The following ARID4B variants were observed in gnomAD, a reference collection of about 807,000 sequenced individuals.
The protein encoded by ARID4B is AT-rich interaction domain 4B, also known as AT-rich interactive domain-containing protein 4B.
Under a neutral mutation model 147.5 loss-of-function variants are expected in ARID4B, and 26 were observed. The ratio of observed to expected loss-of-function variants is 0.18; its 90% CI spans 0.13 to 0.24. The LOEUF (loss-of-function observed/expected upper bound fraction) is 0.24. Ranked by LOEUF, ARID4B falls within the 10% of genes least tolerant of loss-of-function variation. The pLI is 1.00. For missense variants in ARID4B, 1,179 were observed against 1,511.5 expected, an observed-to-expected ratio of 0.78 and a Z score of 3.65; for synonymous variants, 512 against 507.9, an observed-to-expected ratio of 1.01 and a Z score of -0.11.
At chr1:235,304,923 C>T (rs999600441) in intron 2 of ARID4B, among the ~76,000 whole-genome samples, 1 of 152,096 alleles carries the variant, frequency 6.6e-6, no homozygotes, top group African/African-American at 2.4e-5. Flanking sequence ...AATCATTTTG[C>T]CACACTAAGG....
At chr1:235,297,319 C>G (rs976280622) in intron 2 of ARID4B, among the ~76,000 whole-genome samples, 4 of 152,000 alleles carry the variant, frequency 2.6e-5, no homozygotes, top group African/African-American at 9.7e-5. Context: ...ATTTACTGGT[C>G]GTTTTAGTGG....
At chr1:235,176,845 C>G (rs1392136841) in intron 21 of ARID4B, 1 of 470,706 alleles carries the variant, frequency 2.1e-6, no homozygotes, top group Non-Finnish European at 4.4e-6. Context: ...TAGCAAAGGT[C>G]AGGCAGTGGA....
chr1:235,179,113 A>G (rs955605190), intron 20 of ARID4B, among the ~76,000 whole-genome samples: 2 of 152,232 alleles, frequency 1.3e-5, no homozygotes, highest in African/African-American at 4.8e-5. Flanking sequence ...AATGTAGAGT[A>G]AATTAAGAGG....
intron 2 of ARID4B, among the ~76,000 whole-genome samples, chr1:235,316,614 C>G (rs140553407): frequency 6.7e-6 from 1 of 150,272 alleles, no homozygotes; most frequent in Non-Finnish European, 1.5e-5. Context: ...GTCTGGAGTT[C>G]GAGAGACCAG....
Position 235,257,078 on chromosome 1 carries a change from CA to C in ARID4B, c.183+81del, listed in dbSNP as rs1035151904. On this transcript the variant is annotated intron_variant, in intron 4 of 23. Coordinates refer to ENST00000264183, the MANE Select transcript of ARID4B (RefSeq NM_016374.6). ...CATATTGAATTTATCAACTCAATAA[CA>C]AAAGAGCCAATGAATTAATACCAAG... 142 of 953,572 alleles carry C rather than the reference CA, an allele frequency of 1.5e-4. No individual in the cohort carries two copies. The African/African-American group carries it at 2.2e-3, about 15-fold the overall frequency. 59.1% of individuals were successfully genotyped at this position (953,572 alleles called of 1,614,324 possible).
chr1:235,235,886 C>T lies in ARID4B; in HGVS notation c.586-1394G>A, dbSNP rs1668520471. ...CACAGTCCTAGTCAGGGTAAATACTCAGTGCATGGTAGTTATTTATAGTTC... is the reference window on the plus strand; with the variant it reads ...CACAGTCCTAGTCAGGGTAAATACTTAGTGCATGGTAGTTATTTATAGTTC... On this transcript the variant is annotated intron_variant, in intron 8 of 23. Coordinates refer to ENST00000264183, the MANE Select transcript of ARID4B (RefSeq NM_016374.6). Among the ~76,000 whole-genome samples the T allele has an allele frequency of 2.0e-5, 3 of 151,902 alleles. No homozygotes were observed. The South Asian group carries it at 6.2e-4, about 32-fold the overall frequency.
chr1:235,272,958 A>G (rs1180985189), intron 2 of ARID4B, among the ~76,000 whole-genome samples: 1 of 152,132 alleles, frequency 6.6e-6, no homozygotes, highest in African/African-American at 2.4e-5. Flanking sequence ...ACAGAGAAGA[A>G]TGATAGGGGC....
intron 17 of ARID4B, among the ~76,000 whole-genome samples, chr1:235,202,031 C>T (rs1402271637): frequency 6.7e-6 from 1 of 150,048 alleles, no homozygotes; most frequent in Non-Finnish European, 1.5e-5. Context: ...TATATATACA[C>T]AATATATACA....
At chr1:235,212,287 C>G (rs190031052) in intron 17 of ARID4B, among the ~76,000 whole-genome samples, 5 of 152,022 alleles carry the variant, frequency 3.3e-5, no homozygotes, top group African/African-American at 1.2e-4. Flanking sequence ...AAAAAAAGAA[C>G]CAACAGGTGA....
At chr1:235,325,631 T>C (rs1206483340) in intron 2 of ARID4B, among the ~76,000 whole-genome samples, 1 of 152,200 alleles carries the variant, frequency 6.6e-6, no homozygotes, top group Non-Finnish European at 1.5e-5. Flanking sequence ...ACCTAATAAA[T>C]GCACTTTCAC....
At chr1:235,254,480 T>G (rs1669827112) in intron 5 of ARID4B, among the ~76,000 whole-genome samples, 1 of 151,788 alleles carries the variant, frequency 6.6e-6, no homozygotes, top group Non-Finnish European at 1.5e-5. Context: ...AAAATAAAAA[T>G]AAATTTAAAA....
chr1:235,189,811 C>T (rs1312728328), intron 19 of ARID4B, among the ~76,000 whole-genome samples: 1 of 151,348 alleles, frequency 6.6e-6, no homozygotes, highest in Non-Finnish European at 1.5e-5. Context: ...GAGGCTGAGA[C>T]AGGAAAATCG....
intron 11 of ARID4B, chr1:235,228,307 T>C (rs1035391541): frequency 6.9e-6 from 1 of 144,268 alleles, no homozygotes; most frequent in East Asian, 2.0e-4. Flanking sequence ...TTTTTTTTTT[T>C]TTTAATAAGA....
intron 7 of ARID4B, among the ~76,000 whole-genome samples, chr1:235,241,476 C>A (rs1180889836): frequency 6.6e-6 from 1 of 151,922 alleles, no homozygotes; most frequent in Admixed American, 6.6e-5. Flanking sequence ...AACCGTCATG[C>A]CTTTATATTT....
intron 1 of ARID4B, 150 bp from the exon 2 acceptor site, chr1:235,327,118 G>T (rs1675335517): frequency 3.4e-6 from 2 of 593,832 alleles, no homozygotes; most frequent in Non-Finnish European, 6.0e-6. Flanking sequence ...CCGACTCGGG[G>T]CTCCCTCCGG....
At chr1:235,327,084 C>G (rs906771852) in intron 1 of ARID4B, 116 bp from the exon 2 acceptor site, 20 of 694,650 alleles carry the variant, frequency 2.9e-5, no homozygotes, top group Non-Finnish European at 4.9e-5. Context: ...CGCAACCAGG[C>G]GCCAGCCCCC....
intron 19 of ARID4B, among the ~76,000 whole-genome samples, chr1:235,183,657 T>C (rs1243616571): frequency 2.6e-5 from 4 of 151,828 alleles, no homozygotes; most frequent in Middle Eastern, 3.2e-3. Flanking sequence ...CCACCTCAGA[T>C]TCCTGAGTAG....
chr1:235,292,603 G>A (rs1224116207), intron 2 of ARID4B, among the ~76,000 whole-genome samples: 1 of 141,452 alleles, frequency 7.1e-6, no homozygotes, highest in Non-Finnish European at 1.5e-5. Flanking sequence ...GGGACAGGGT[G>A]AGACTGTGTC....
intron 10 of ARID4B, among the ~76,000 whole-genome samples, chr1:235,230,185 G>A (rs1344951364): frequency 3.3e-5 from 5 of 152,100 alleles, no homozygotes; most frequent in African/African-American, 1.2e-4. Context: ...GGAGGCCAAG[G>A]CGGGTGGACT....
Sources: gnomAD v4.1 joint callset for allele counts (sites outside exome capture counted in the v4.1 genomes callset) on GRCh38, gnomAD v4.1.1 for gene constraint, MANE v1.5 for transcripts, NCBI Gene and HGNC (gene_info 2026-07-23, HGNC 2026-07-21) for gene names.